The following GNG7 variants were observed in gnomAD, a reference collection of about 807,000 sequenced individuals.
GNG7 encodes G protein subunit gamma 7, also known as guanine nucleotide-binding protein G(I)/G(S)/G(O) subunit gamma-7.
In GNG7, 1 loss-of-function variant was observed where a neutral mutation model predicts 4.0. That is an observed-to-expected ratio of 0.25 (90% CI 0.09 to 1.18). GNG7 has a LOEUF of 1.18. GNG7 is among the 50% of genes most tolerant of loss of function. The pLI, the probability that GNG7 is intolerant of heterozygous loss-of-function variation, is 0.50. For synonymous variants in GNG7, 34 were observed against 36.9 expected, an observed-to-expected ratio of 0.92 and a Z score of 0.29; for missense variants, 86 against 91.9, an observed-to-expected ratio of 0.94 and a Z score of 0.26.
In GNG7 at chr19:2,546,662, G is replaced by A. The variant is rs1979136774; in HGVS notation, c.-38+8487C>T. 1.3e-5 allele frequency among the ~76,000 whole-genome samples: 2 copies of A among 152,218 alleles called. No homozygotes were observed. Among genetic ancestry groups the A allele is most frequent in the Admixed American group, 1.3e-4 (2 of 15,282 alleles). ...CCGCTGCCTTCAGCCGGAGCTTGGA[G>A]CCTAAGAATGAGCCGGCTTGTTCAG... On this transcript the variant is annotated intron_variant, in intron 3 of 4. Coordinates refer to ENST00000382159, the MANE Select transcript of GNG7 (RefSeq NM_052847.3). This position sits in a 1 kb window ranked among gnomAD's most constrained non-coding sequence, Gnocchi z 6.3.
chr19:2,551,638 CAT>C (rs1979334889), intron 3 of GNG7, among the ~76,000 whole-genome samples: 2 of 81,318 alleles, frequency 2.5e-5, no homozygotes, highest in African/African-American at 6.0e-5. Context: ...TATAAAAACA[CAT>C]ATACATATTT....
intron 1 of GNG7, among the ~76,000 whole-genome samples, chr19:2,670,599 A>G (rs746356834): frequency 9.2e-5 from 14 of 151,614 alleles, no homozygotes; most frequent in Non-Finnish European, 1.8e-4. Context: ...AGAGCACCCT[A>G]TTCTCTGAGG....
chr19:2,520,560 G>T, intron 4 of GNG7, 48 bp downstream of exon 4: 4 of 1,074,892 alleles, frequency 3.7e-6, no homozygotes, highest in Non-Finnish European at 4.2e-6. Flanking sequence ...CATTTGCGGG[G>T]CCCCCAAGGG....
chr19:2,522,993 T>A (rs1978318261), intron 3 of GNG7, among the ~76,000 whole-genome samples: 1 of 151,362 alleles, frequency 6.6e-6, no homozygotes, highest in Non-Finnish European at 1.5e-5. Flanking sequence ...GCCTCCTGAG[T>A]AGCTGGGATT....
intron 1 of GNG7, among the ~76,000 whole-genome samples, chr19:2,646,745 T>G (rs1028190643): frequency 6.6e-6 from 1 of 152,154 alleles, no homozygotes; most frequent in Non-Finnish European, 1.5e-5. Context: ...ATATTTATTA[T>G]TAGAGATTTA....
Position 2,633,358 on chromosome 19 carries a change from G to A in GNG7, c.-78+12866C>T, listed in dbSNP as rs1439180168. 2.0e-5 allele frequency among the ~76,000 whole-genome samples: 3 copies of A among 152,196 alleles called. No homozygotes were observed. The highest frequency in any genetic ancestry group is 7.2e-5 in the African/African-American group (3 of 41,460). On this transcript the variant is annotated intron_variant, in intron 2 of 4. Coordinates refer to ENST00000382159, the MANE Select transcript of GNG7 (RefSeq NM_052847.3). This position sits in a 1 kb window ranked among gnomAD's most constrained non-coding sequence, Gnocchi z 5.9. Reference sequence around the variant, plus strand: ...CATCATATGCGACTGTCACCGCCGTGTGTATTTTGAGTCAAAGGCGGCCAA... The same window carrying A: ...CATCATATGCGACTGTCACCGCCGTATGTATTTTGAGTCAAAGGCGGCCAA...
chr19:2,514,992 G>A lies in GNG7; in HGVS notation c.*30C>T, dbSNP rs1427137972. Reference sequence around the variant, plus strand: ...ACAGAGAGAGAGAGAGAGAAAGAGAGAGAGAGAGAGAGAACATATGAGAAC... The same window carrying A: ...ACAGAGAGAGAGAGAGAGAAAGAGAAAGAGAGAGAGAGAACATATGAGAAC... On this transcript the variant is annotated 3_prime_UTR_variant, in exon 5 of 5. Coordinates refer to ENST00000382159, the MANE Select transcript of GNG7 (RefSeq NM_052847.3). The A allele has an allele frequency of 6.4e-7, 1 of 1,567,356 alleles. No homozygotes were observed. The highest frequency in any genetic ancestry group is 8.8e-7 in the Non-Finnish European group (1 of 1,138,756).
At chr19:2,638,550 AG>A (rs1413856891) in intron 2 of GNG7, among the ~76,000 whole-genome samples, 2 of 16,330 alleles carry the variant, frequency 1.2e-4, no homozygotes, top group Admixed American at 7.4e-4. Context: ...GGAGAAGGGA[AG>A]GGGGAGGGGA....
chr19:2,651,470 T>C (rs969816922), intron 1 of GNG7, among the ~76,000 whole-genome samples: 2 of 146,482 alleles, frequency 1.4e-5, no homozygotes. Flanking sequence ...TCTTTCTCTT[T>C]TTCTTTCTCT....
intron 4 of GNG7, among the ~76,000 whole-genome samples, chr19:2,519,153 T>TTC (rs1978295640): frequency 2.2e-5 from 3 of 138,508 alleles, no homozygotes; most frequent in African/African-American, 8.0e-5. Flanking sequence ...TTTCTTTTTT[T>TTC]TTTTTTTTTT....
In GNG7 at chr19:2,586,343, A is replaced by G. The variant is rs534513455; in HGVS notation, c.-77-31155T>C. ...GGCTGCTGGCATTCCCACCTTCTAG[A>G]GTGACTTTCACACTCCCTGATGAGT... On this transcript the variant is annotated intron_variant, in intron 2 of 4. Transcript: ENST00000382159. Among the ~76,000 whole-genome samples the G allele has an allele frequency of 2.5e-3, 386 of 152,252 alleles. 1 individual carries two copies. Among genetic ancestry groups the G allele is most frequent in the Non-Finnish European group, 4.7e-3 (319 of 68,030 alleles).
intron 1 of GNG7, among the ~76,000 whole-genome samples, chr19:2,657,361 AATATATATATATATATATATAT>A (rs869231931): frequency 3.1e-4 from 5 of 16,340 alleles, no homozygotes; most frequent in South Asian, 2.7e-3. Context: ...AAAAAAAAAA[AATATATATATATATATATATAT>A]ATATATATAT....
rs955094414 is a variant in GNG7, at chr19:2,618,826, G to A, written c.-78+27398C>T. Reference sequence around the variant, plus strand: ...GCTGGCACCTTCCTAGTAACCAAATGCCACAGCGATTCAGCTTCCCTCAGT... The same window carrying A: ...GCTGGCACCTTCCTAGTAACCAAATACCACAGCGATTCAGCTTCCCTCAGT... On this transcript the variant is annotated intron_variant, in intron 2 of 4. Transcript: ENST00000382159. This position sits in a 1 kb window ranked among gnomAD's most constrained non-coding sequence, Gnocchi z 5.1. Among the ~76,000 whole-genome samples the A allele has an allele frequency of 6.6e-6, 1 of 152,072 alleles. No homozygotes were observed. Among genetic ancestry groups the A allele is most frequent in the African/African-American group, 2.4e-5 (1 of 41,418 alleles).
At position 2,614,693 on chromosome 19, in the gene GNG7, G is replaced by A. The variant is rs79915886; in HGVS notation, c.-78+31531C>T. Among the ~76,000 whole-genome samples the A allele has an allele frequency of 0.019, 2,889 of 152,262 alleles. 97 individuals carry two copies. The highest frequency in any genetic ancestry group is 0.066 in the African/African-American group (2,739 of 41,526). The stretch of plus-strand genomic sequence containing the variant: ...GCTGTTTATCTATTTACCCACGGAC[G>A]GACACTTGGGTCATTTCCACCTTTT... On this transcript the variant is annotated intron_variant, in intron 2 of 4. Transcript: ENST00000382159. The surrounding 1 kb of genome is among the most constrained non-coding windows in gnomAD (Gnocchi z 6.0).
chr19:2,695,313 T>A (rs1913218961), intron 1 of GNG7, among the ~76,000 whole-genome samples: 1 of 151,406 alleles, frequency 6.6e-6, no homozygotes, highest in Non-Finnish European at 1.5e-5. Flanking sequence ...TTATCACCCC[T>A]GCACCTATTC....
chr19:2,677,286 C>A (rs1424156696), intron 1 of GNG7, among the ~76,000 whole-genome samples: 4 of 149,066 alleles, frequency 2.7e-5, no homozygotes, highest in Admixed American at 2.0e-4. Context: ...CCTTTCTATA[C>A]AACCGTGGTT....
At chr19:2,619,441 T>C (rs1319213140) in intron 2 of GNG7, among the ~76,000 whole-genome samples, 1 of 152,168 alleles carries the variant, frequency 6.6e-6, no homozygotes, top group Non-Finnish European at 1.5e-5. Flanking sequence ...GCCTCGCACA[T>C]AGTAAGTTCA....
intron 2 of GNG7, among the ~76,000 whole-genome samples, chr19:2,627,221 T>C (rs774199457): frequency 1.3e-5 from 2 of 151,044 alleles, no homozygotes; most frequent in African/African-American, 4.9e-5. Flanking sequence ...TGTCTGGGGA[T>C]ATTTGTGGTT....
At chr19:2,696,292 G>GAGAGAGAAAGAA (rs1555705038) in intron 1 of GNG7, among the ~76,000 whole-genome samples, 19 of 108,610 alleles carry the variant, frequency 1.7e-4, no homozygotes, top group East Asian at 1.5e-3. Context: ...AAGAGAGAGA[G>GAGAGAGAAAGAA]AGAAAGAAAG....
Sources: allele counts gnomAD v4.1 joint callset (sites outside exome capture counted in the v4.1 genomes callset), GRCh38; gene constraint gnomAD v4.1.1; non-coding constraint Gnocchi (gnomAD v3.1); transcripts MANE v1.5; gene names NCBI Gene and HGNC (gene_info 2026-07-23, HGNC 2026-07-21).